Variants in ST3GAL3 observed in about 807,000 individuals in gnomAD.
ST3GAL3 encodes the protein ST3 beta-galactoside alpha-2,3-sialyltransferase 3, also known as CMP-N-acetylneuraminate-beta-1,4-galactoside alpha-2,3-sialyltransferase.
ST3GAL3 carries 21 observed loss-of-function variants against 50.1 expected under a neutral mutation model. That is an observed-to-expected ratio of 0.42 (90% CI 0.30 to 0.60). The LOEUF is 0.60. Among genes scored for constraint, ST3GAL3 ranks in the 20% least tolerant of loss-of-function variants. The probability of loss-of-function intolerance (pLI) is 0.19; values close to 1 mark genes in which losing one functional copy is unlikely to be tolerated. For missense variants in ST3GAL3, 353 were observed against 489.4 expected (o/e 0.72, Z 2.63); for synonymous variants, 183 against 190.0 (o/e 0.96, Z 0.30).
At chr1:43,916,049 A>G (rs1161954593) in intron 9 of ST3GAL3, among the ~76,000 whole-genome samples, 3 of 152,080 alleles carry the variant, frequency 2.0e-5, no homozygotes, top group Admixed American at 6.5e-5. Context: ...AACCCAAGAG[A>G]TGGAGGTTGC....
chr1:43,881,784 G>A lies in ST3GAL3; in HGVS notation c.303-12599G>A, dbSNP rs572530400. 1.7e-4 allele frequency among the ~76,000 whole-genome samples: 26 copies of A among 151,006 alleles called. No individual in the cohort carries two copies. In the South Asian group the frequency reaches 3.6e-3, roughly 21 times the overall value. ...GGGGGCAGTAGCTGGCAGTATTTCAGAATGGGGGGTGGGGGTGTCTGTGAA... is the reference window on the plus strand; with the variant it reads ...GGGGGCAGTAGCTGGCAGTATTTCAAAATGGGGGGTGGGGGTGTCTGTGAA... On this transcript the variant is annotated intron_variant, in intron 5 of 11. Transcript: ENST00000347631.
intron 2 of ST3GAL3, among the ~76,000 whole-genome samples, chr1:43,762,357 A>T (rs996955130): frequency 6.6e-6 from 1 of 151,726 alleles, no homozygotes; most frequent in African/African-American, 2.4e-5. Context: ...AGACTTATTT[A>T]GTCTCTGATG....
chr1:43,913,905 A>G (rs1859725), intron 9 of ST3GAL3: 14,556 of 152,274 alleles, frequency 0.096, 910 homozygotes, highest in South Asian at 0.22. Flanking sequence ...GCCTGCTCCA[A>G]GGAGGAGGCC....
At chr1:43,920,371 C>A (rs1429138633) in intron 9 of ST3GAL3, 33 bp from the exon 10 acceptor site, 4 of 1,614,008 alleles carry the variant, frequency 2.5e-6, no homozygotes, top group Non-Finnish European at 3.4e-6. Flanking sequence ...TTGCTGTGTG[C>A]CTCGTTGAGG....
intron 2 of ST3GAL3, among the ~76,000 whole-genome samples, chr1:43,782,849 T>C (rs72886838): frequency 0.077 from 11,667 of 152,242 alleles, 1,486 homozygotes; most frequent in African/African-American, 0.27. Flanking sequence ...AAAATTCGTT[T>C]GGCAGTAAAA....
chr1:43,900,631 G>A (rs1376496709), intron 9 of ST3GAL3: 3 of 152,260 alleles, frequency 2.0e-5, no homozygotes, highest in Non-Finnish European at 4.4e-5. Flanking sequence ...GGTGACAGAC[G>A]GCCCTCTGCC....
chr1:43,775,464 C>A (rs1696848198), intron 2 of ST3GAL3, among the ~76,000 whole-genome samples: 1 of 152,064 alleles, frequency 6.6e-6, no homozygotes. Flanking sequence ...GAACTCCTGA[C>A]CTCAGGTGAA....
chr1:43,819,329 G>A (rs932547130), intron 4 of ST3GAL3: 1 of 152,218 alleles, frequency 6.6e-6, no homozygotes, highest in Non-Finnish European at 1.5e-5. Flanking sequence ...CTGACCTTGG[G>A]TGATCCACCC....
chr1:43,812,018 G>A (rs374150671), intron 3 of ST3GAL3, among the ~76,000 whole-genome samples: 1 of 152,258 alleles, frequency 6.6e-6, no homozygotes, highest in East Asian at 1.9e-4. Flanking sequence ...TATAGACCCG[G>A]CTAAAATTTT....
intron 2 of ST3GAL3, chr1:43,738,600 G>A (rs1679500419): frequency 1.3e-5 from 2 of 151,722 alleles, no homozygotes; most frequent in South Asian, 2.1e-4. Flanking sequence ...AGGCTCAAGC[G>A]ATCCTCCTAC....
chr1:43,779,605 T>C (rs1051361245), intron 2 of ST3GAL3, among the ~76,000 whole-genome samples: 1 of 152,220 alleles, frequency 6.6e-6, no homozygotes, highest in Non-Finnish European at 1.5e-5. Flanking sequence ...CTACTGACTT[T>C]CTTCAATGGA....
At chr1:43,797,609 C>T (rs919519224) in intron 3 of ST3GAL3, among the ~76,000 whole-genome samples, 3 of 152,108 alleles carry the variant, frequency 2.0e-5, no homozygotes, top group African/African-American at 4.8e-5. Flanking sequence ...ATGATAAAAA[C>T]GCTCAGCAAA....
intron 11 of ST3GAL3, among the ~76,000 whole-genome samples, chr1:43,927,545 A>G (rs189381406): frequency 6.6e-6 from 1 of 152,304 alleles, no homozygotes; most frequent in East Asian, 1.9e-4. Flanking sequence ...AGTGATGAGG[A>G]CGAGGGATAA....
chr1:43,869,454 C>A (rs1396506116), intron 5 of ST3GAL3, among the ~76,000 whole-genome samples: 1 of 152,146 alleles, frequency 6.6e-6, no homozygotes, highest in Non-Finnish European at 1.5e-5. Flanking sequence ...ACGACTTTTC[C>A]CCTTTTGCCT....
intron 6 of ST3GAL3, chr1:43,896,955 A>G (rs2077470994): frequency 6.6e-6 from 1 of 151,858 alleles, no homozygotes; most frequent in Admixed American, 6.6e-5. Context: ...GTATTTGTGT[A>G]TATGTGTATG....
chr1:43,856,614 C>T (rs1300667999), intron 5 of ST3GAL3, among the ~76,000 whole-genome samples: 1 of 152,224 alleles, frequency 6.6e-6, no homozygotes, highest in Admixed American at 6.5e-5. Context: ...TAAGAGTAGC[C>T]TGCATGGGCT....
chr1:43,755,945 T>TA (rs1572201528), intron 2 of ST3GAL3, among the ~76,000 whole-genome samples: 1 of 150,478 alleles, frequency 6.6e-6, no homozygotes, highest in East Asian at 1.9e-4. Context: ...AAACTGAAAA[T>TA]AAAAAATTAG....
intron 1 of ST3GAL3, among the ~76,000 whole-genome samples, chr1:43,713,787 C>T (rs1571114991): frequency 6.6e-6 from 1 of 152,168 alleles, no homozygotes; most frequent in Non-Finnish European, 1.5e-5. Context: ...CTGCCCAGCT[C>T]TGCCTCCCGA....
chr1:43,824,722 A>G lies in ST3GAL3; in HGVS notation c.209+9789A>G, dbSNP rs751493162. 3.1e-6 allele frequency: 5 copies of G among 1,613,932 alleles called. No individual in the cohort carries two copies. The South Asian group carries it at 5.5e-5, about 18-fold the overall frequency. ...TCAAGACTGAAAAAGCCAAATTCCC[A>G]CTTTGCAGCTCACCGAGGACTCTCT... On this transcript the variant is annotated intron_variant, in intron 4 of 11. Transcript: ENST00000347631.
Sources: gnomAD v4.1 joint callset for allele counts (sites outside exome capture counted in the v4.1 genomes callset) on GRCh38, gnomAD v4.1.1 for gene constraint, MANE v1.5 for transcripts, NCBI Gene and HGNC (gene_info 2026-07-23, HGNC 2026-07-21) for gene names.